Variants in KCNIP4 observed in about 807,000 individuals in gnomAD.
The protein encoded by KCNIP4 is potassium voltage-gated channel interacting protein 4.
KCNIP4 carries 12 observed loss-of-function variants against 34.0 expected under a neutral mutation model. The observed-to-expected ratio is 0.35, with a 90% confidence interval of 0.23 to 0.57. The LOEUF (loss-of-function observed/expected upper bound fraction) is 0.57, where lower values mean the gene tolerates loss of function less well. Among genes scored for constraint, KCNIP4 ranks in the 20% least tolerant of loss-of-function variants. KCNIP4 has a pLI of 0.83. For synonymous variants in KCNIP4, 124 were observed against 102.2 expected (o/e 1.21, Z -1.29); for missense variants, 238 against 311.7 (o/e 0.76, Z 1.78).
chr4:20,992,640 A>G (rs370029208), intron 1 of KCNIP4, among the ~76,000 whole-genome samples: 3 of 151,950 alleles, frequency 2.0e-5, no homozygotes, highest in South Asian at 4.2e-4. Flanking sequence ...TTCCTTATCT[A>G]TGAGATTAGA....
intron 1 of KCNIP4, among the ~76,000 whole-genome samples, chr4:21,774,049 T>A (rs576434642): frequency 2.0e-5 from 3 of 152,066 alleles, no homozygotes; most frequent in African/African-American, 7.2e-5. Context: ...TCTTTATATG[T>A]TGCTGTTTTT....
At chr4:21,852,943 A>G (rs1724502696) in intron 1 of KCNIP4, 1 of 152,216 alleles carries the variant, frequency 6.6e-6, no homozygotes, top group Non-Finnish European at 1.5e-5. Context: ...TACTTAAGTG[A>G]TAAGTACCTT....
chr4:21,252,782 G>C (rs74977497), intron 1 of KCNIP4, among the ~76,000 whole-genome samples: 3,132 of 133,480 alleles, frequency 0.023, 81 homozygotes, highest in East Asian at 0.17. Context: ...TTTGTCGTAA[G>C]TATTACATGC....
intron 1 of KCNIP4, among the ~76,000 whole-genome samples, chr4:21,881,461 C>T (rs1356458696): frequency 6.6e-6 from 1 of 151,970 alleles, no homozygotes; most frequent in African/African-American, 2.4e-5. Context: ...TATTTGAAAC[C>T]TTAATCTCAA....
chr4:20,750,217 C>T (rs926579498), intron 4 of KCNIP4, among the ~76,000 whole-genome samples: 4 of 152,198 alleles, frequency 2.6e-5, no homozygotes, highest in Non-Finnish European at 5.9e-5. Flanking sequence ...AGGTGAAAAA[C>T]ATACCCAAAG....
chr4:21,055,177 C>T (rs1743295514), intron 1 of KCNIP4, among the ~76,000 whole-genome samples: 1 of 152,082 alleles, frequency 6.6e-6, no homozygotes, highest in South Asian at 2.1e-4. Context: ...TGCTTCCCAT[C>T]ATATGTAATT....
At chr4:21,008,662 T>C (rs1449609666) in intron 1 of KCNIP4, among the ~76,000 whole-genome samples, 2 of 151,892 alleles carry the variant, frequency 1.3e-5, no homozygotes, top group Non-Finnish European at 1.5e-5. Context: ...TAGCTGGGAC[T>C]GCAGGCGCCC....
At chr4:21,202,208 G>C (rs1756548494) in intron 1 of KCNIP4, among the ~76,000 whole-genome samples, 2 of 152,218 alleles carry the variant, frequency 1.3e-5, no homozygotes, top group Non-Finnish European at 2.9e-5. Context: ...ACTGGATAAA[G>C]AAAATGTGGG....
intron 1 of KCNIP4, among the ~76,000 whole-genome samples, chr4:21,396,549 CAAAA>C (rs555585102): frequency 1.1e-4 from 6 of 52,790 alleles, no homozygotes; most frequent in Admixed American, 2.8e-4. Flanking sequence ...AGCAAGACTC[CAAAA>C]AAAAAAAAAA....
chr4:20,790,066 C>T (rs1353195862), intron 3 of KCNIP4, among the ~76,000 whole-genome samples: 1 of 152,086 alleles, frequency 6.6e-6, no homozygotes. Context: ...ATGGTACACC[C>T]TAGTACACAT....
chr4:21,570,914 A>T (rs1459868557), intron 1 of KCNIP4, among the ~76,000 whole-genome samples: 3 of 152,166 alleles, frequency 2.0e-5, no homozygotes, highest in Non-Finnish European at 2.9e-5. Flanking sequence ...CAAATAGAGT[A>T]CATCTTTTGG....
chr4:20,957,648 C>G (rs2149653211), intron 1 of KCNIP4, among the ~76,000 whole-genome samples: 1 of 152,120 alleles, frequency 6.6e-6, no homozygotes, highest in Admixed American at 6.5e-5. Flanking sequence ...TGCCCATGAC[C>G]TTCAGATATG....
At chr4:20,742,234 T>C (rs556730864) in intron 5 of KCNIP4, among the ~76,000 whole-genome samples, 2 of 152,300 alleles carry the variant, frequency 1.3e-5, no homozygotes, top group East Asian at 1.9e-4. Context: ...GCCAGCATCA[T>C]CCTGATACCA....
At chr4:20,848,179 G>A (rs1720598560) in intron 3 of KCNIP4, among the ~76,000 whole-genome samples, 1 of 152,106 alleles carries the variant, frequency 6.6e-6, no homozygotes, top group Non-Finnish European at 1.5e-5. Flanking sequence ...TTTTAAAGAA[G>A]TATATAAAAT....
At chr4:20,752,932 A>G (rs575862636) in intron 4 of KCNIP4, 1 of 152,346 alleles carries the variant, frequency 6.6e-6, no homozygotes, top group East Asian at 1.9e-4. Flanking sequence ...AGATTTCAGT[A>G]CAGTCCAGGG....
chr4:20,760,067 C>CA (rs1278049762), intron 3 of KCNIP4, among the ~76,000 whole-genome samples: 1 of 152,128 alleles, frequency 6.6e-6, no homozygotes, highest in Non-Finnish European at 1.5e-5. Context: ...TATTTATTGA[C>CA]AAAAATCCAC....
At chr4:21,735,108 G>A (rs1458109148) in intron 1 of KCNIP4, among the ~76,000 whole-genome samples, 5 of 151,932 alleles carry the variant, frequency 3.3e-5, no homozygotes, top group African/African-American at 1.2e-4. Context: ...TTTTCCTTGA[G>A]GAGCTCATTG....
intron 3 of KCNIP4, among the ~76,000 whole-genome samples, chr4:20,790,373 A>G (rs1042266387): frequency 6.6e-6 from 1 of 152,170 alleles, no homozygotes; most frequent in African/African-American, 2.4e-5. Flanking sequence ...CCCTAAATTT[A>G]TTTAAAAAAT....
chr4:21,349,961 C>A (rs934272129), intron 1 of KCNIP4, among the ~76,000 whole-genome samples: 1 of 152,166 alleles, frequency 6.6e-6, no homozygotes, highest in South Asian at 2.1e-4. Context: ...CTAGAAAACA[C>A]TCCTGTGGGT....
Sources: gnomAD v4.1 joint callset for allele counts (sites outside exome capture counted in the v4.1 genomes callset) on GRCh38, gnomAD v4.1.1 for gene constraint, MANE v1.5 for transcripts, NCBI Gene and HGNC (gene_info 2026-07-23, HGNC 2026-07-21) for gene names.